Variants in CSMD2 observed in about 807,000 individuals in gnomAD.
CSMD2 encodes the protein CUB and sushi domain-containing protein 2.
CSMD2 carries 130 observed loss-of-function variants against 398.5 expected under a neutral mutation model. That is an observed-to-expected ratio of 0.33 (90% CI 0.28 to 0.38). CSMD2 has a LOEUF of 0.38. CSMD2 is among the 10% of genes least tolerant of loss of function. The pLI, the probability that CSMD2 is intolerant of heterozygous loss-of-function variation, is 1.00. For synonymous variants in CSMD2, 1,828 were observed against 1,908.5 expected, an observed-to-expected ratio of 0.96 and a Z score of 1.10; for missense variants, 3,829 against 4,764.9, an observed-to-expected ratio of 0.80 and a Z score of 5.78.
At chr1:33,970,377 A>G (rs539398533) in intron 3 of CSMD2, among the ~76,000 whole-genome samples, 1 of 152,090 alleles carries the variant, frequency 6.6e-6, no homozygotes, top group African/African-American at 2.4e-5. Flanking sequence ...TGTGTCCGCA[A>G]TCGCTAATCC....
At position 34,084,510 on chromosome 1, in the gene CSMD2, G is replaced by A. The variant is rs143455367; in HGVS notation, c.404+4467C>T. The stretch of plus-strand genomic sequence containing the variant: ...CAAAGGGCTAATATCCAGAATCTAC[G>A]ATGAACTCAAACAAATTGACAAGAA... On this transcript the variant is annotated intron_variant, in intron 2 of 70. Transcript: ENST00000373381. 7.0e-3 allele frequency among the ~76,000 whole-genome samples: 1,058 copies of A among 152,092 alleles called. 10 individuals are homozygous for A. Among genetic ancestry groups the A allele is most frequent in the East Asian group, 0.055 (282 of 5,162 alleles).
At position 33,857,367 on chromosome 1, in the gene CSMD2, A is replaced by G. The variant is rs138674671; in HGVS notation, c.921-10371T>C. On this transcript the variant is annotated intron_variant, in intron 5 of 70. Transcript: ENST00000373381. ...ATACTTTGGCTTTCAGATGGGAGAAATCCAGATCACATCCACCTACAGAAG... is the reference window on the plus strand; with the variant it reads ...ATACTTTGGCTTTCAGATGGGAGAAGTCCAGATCACATCCACCTACAGAAG... 7.6e-3 allele frequency among the ~76,000 whole-genome samples: 1,164 copies of G among 152,228 alleles called. 18 individuals carry two copies. The highest frequency in any genetic ancestry group is 0.026 in the African/African-American group (1,096 of 41,530).
intron 65 of CSMD2, among the ~76,000 whole-genome samples, chr1:33,526,527 C>T (rs1161211489): frequency 3.3e-5 from 5 of 152,232 alleles, no homozygotes; most frequent in Non-Finnish European, 7.3e-5. Context: ...GTGATAGCTA[C>T]TAAAATTGTC....
chr1:33,978,611 G>C (rs1334015078), intron 3 of CSMD2, among the ~76,000 whole-genome samples: 1 of 152,144 alleles, frequency 6.6e-6, no homozygotes, highest in Non-Finnish European at 1.5e-5. Flanking sequence ...CCAGAGAAGA[G>C]AGGGAAGAGT....
chr1:33,999,888 A>G (rs561905226), intron 3 of CSMD2, among the ~76,000 whole-genome samples: 6 of 152,222 alleles, frequency 3.9e-5, no homozygotes, highest in African/African-American at 9.6e-5. Context: ...AAATGTTACT[A>G]TATTTGCATA....
In CSMD2 at chr1:33,772,627, C is replaced by G. The variant is rs762559896; in HGVS notation, c.1788G>C (p.Gln596His). The change falls in exon 13 of 71, where the codon CAG (glutamine) becomes CAC (histidine). Residue 596 changes from glutamine (Q) to histidine (H), a missense_variant. Gln to His is a conservative substitution (Grantham distance 24). This residue lies in a region of CSMD2 where 2,001 missense variants were observed against 2,567.1 expected (regional missense o/e 0.78). Transcript: ENST00000373381. ...TATTCTTTTGGCATGTGATTGCCTT[C>G]TGTCCCACCAGCTCAAAGGCGGGCT... Reference protein sequence around the residue: ...ECQPAFELVGQKAITCQKNNQ... With the variant: ...ECQPAFELVGHKAITCQKNNQ... 6.2e-7 allele frequency: 1 copy of G among 1,614,142 alleles called. No homozygotes were observed. The highest frequency in any genetic ancestry group is 2.2e-5 in the East Asian group (1 of 44,868).
chr1:34,061,980 C>T (rs1301832377), intron 2 of CSMD2, among the ~76,000 whole-genome samples: 2 of 152,182 alleles, frequency 1.3e-5, no homozygotes, highest in Non-Finnish European at 2.9e-5. Flanking sequence ...CAAGCCTCTC[C>T]ATATCTGTGT....
chr1:34,046,590 G>T (rs1652542854), intron 2 of CSMD2, among the ~76,000 whole-genome samples: 1 of 152,138 alleles, frequency 6.6e-6, no homozygotes, highest in South Asian at 2.1e-4. Context: ...TTCAGTACAT[G>T]CATGAATAGC....
At chr1:34,107,851 C>A (rs74068071) in intron 1 of CSMD2, among the ~76,000 whole-genome samples, 1 of 152,100 alleles carries the variant, frequency 6.6e-6, no homozygotes, top group Admixed American at 6.5e-5. Flanking sequence ...CACATGGGGA[C>A]GCCTGAGCAC....
At chr1:34,081,481 T>C (rs889822123) in intron 2 of CSMD2, among the ~76,000 whole-genome samples, 6 of 151,472 alleles carry the variant, frequency 4.0e-5, no homozygotes, top group Non-Finnish European at 5.9e-5. Flanking sequence ...CGAGGCTGGA[T>C]TGTACTGCCG....
intron 29 of CSMD2, among the ~76,000 whole-genome samples, chr1:33,640,562 T>C (rs1253292917): frequency 6.6e-6 from 1 of 152,216 alleles, no homozygotes; most frequent in East Asian, 1.9e-4. Flanking sequence ...ACAGAGACCA[T>C]CTGGAGTAAA....
At chr1:33,916,019 T>G (rs1643703815) in intron 5 of CSMD2, among the ~76,000 whole-genome samples, 1 of 152,188 alleles carries the variant, frequency 6.6e-6, no homozygotes, top group South Asian at 2.1e-4. Flanking sequence ...TCATATAATT[T>G]TTATGAAGAT....
intron 2 of CSMD2, among the ~76,000 whole-genome samples, chr1:34,037,011 T>G (rs952944345): frequency 6.6e-6 from 1 of 152,184 alleles, no homozygotes; most frequent in Non-Finnish European, 1.5e-5. Flanking sequence ...ACATATGCCC[T>G]GGGTCTGGGG....
At chr1:34,103,235 A>G (rs944270853) in intron 1 of CSMD2, among the ~76,000 whole-genome samples, 18 of 150,144 alleles carry the variant, frequency 1.2e-4, no homozygotes, top group African/African-American at 4.4e-4. Flanking sequence ...GCCTTCATCA[A>G]TGGTGATATA....
chr1:33,550,139 T>G (rs376143227), intron 56 of CSMD2, 38 bp downstream of exon 56: 57 of 1,595,538 alleles, frequency 3.6e-5, no homozygotes, highest in Non-Finnish European at 4.5e-5. Flanking sequence ...CAGTCAAGCA[T>G]TCCACTGGAG....
intron 7 of CSMD2, among the ~76,000 whole-genome samples, chr1:33,823,477 G>C (rs1199886607): frequency 6.6e-6 from 1 of 151,944 alleles, no homozygotes; most frequent in Non-Finnish European, 1.5e-5. Flanking sequence ...GTTGGCTACT[G>C]AGGGACAGGA....
chr1:33,993,395 C>T (rs1432800894), intron 3 of CSMD2, among the ~76,000 whole-genome samples: 1 of 152,208 alleles, frequency 6.6e-6, no homozygotes, highest in African/African-American at 2.4e-5. Flanking sequence ...TCTCATTCCA[C>T]TAATGCCACT....
At chr1:33,604,277 C>T (rs188805222) in intron 42 of CSMD2, among the ~76,000 whole-genome samples, 5 of 152,282 alleles carry the variant, frequency 3.3e-5, no homozygotes, top group Admixed American at 6.5e-5. Context: ...CAACTGGTTA[C>T]GCAGAGCAGA....
chr1:33,594,329 C>A (rs1639696518), intron 44 of CSMD2, among the ~76,000 whole-genome samples: 2 of 152,130 alleles, frequency 1.3e-5, no homozygotes, highest in African/African-American at 4.8e-5. Context: ...CATGAAGCCC[C>A]TAACTTTTTC....
Sources: gnomAD v4.1 joint callset for allele counts (sites outside exome capture counted in the v4.1 genomes callset) on GRCh38, gnomAD v4.1.1 for gene constraint, gnomAD v4.1.1 regional missense constraint, MANE v1.5 for transcripts, NCBI Gene and HGNC (gene_info 2026-07-23, HGNC 2026-07-21) for gene names.